Variants in HNRNPM observed in about 807,000 individuals in gnomAD.
The protein encoded by HNRNPM is CEA receptor.
A neutral mutation model predicts 73.1 loss-of-function variants in HNRNPM; 11 were observed. The ratio of observed to expected loss-of-function variants is 0.15; its 90% confidence interval spans 0.09 to 0.25. The LOEUF (loss-of-function observed/expected upper bound fraction) is 0.25, where lower values mean the gene tolerates loss of function less well. HNRNPM is among the 10% of genes least tolerant of loss of function. The probability of loss-of-function intolerance (pLI) is 1.00; values close to 1 mark genes in which losing one functional copy is unlikely to be tolerated. For missense variants in HNRNPM, 789 were observed against 1,067.9 expected (o/e 0.74, Z 3.64); for synonymous variants, 407 against 355.2 (o/e 1.15, Z -1.64).
At chr19:8,473,551 A>T in intron 10 of HNRNPM, 113 bp from the exon 11 acceptor site, 1 of 705,132 alleles carries the variant, frequency 1.4e-6, no homozygotes, top group South Asian at 1.6e-5. Context: ...TATACTTGTC[A>T]TCAGGGATTT....
At chr19:8,480,788 G>A (rs1458794192) in intron 12 of HNRNPM, among the ~76,000 whole-genome samples, 1 of 152,164 alleles carries the variant, frequency 6.6e-6, no homozygotes, top group African/African-American at 2.4e-5. Context: ...GCACATGAGT[G>A]GCACAGAGAG....
At chr19:8,465,799 G>A (rs1969704316) in intron 6 of HNRNPM, among the ~76,000 whole-genome samples, 2 of 152,084 alleles carry the variant, frequency 1.3e-5, no homozygotes, top group Admixed American at 1.3e-4. Context: ...TGCAGTTTTG[G>A]TGCAGAGTAA....
chr19:8,451,634 G>A (rs1442818485), intron 1 of HNRNPM, among the ~76,000 whole-genome samples: 2 of 152,038 alleles, frequency 1.3e-5, no homozygotes, highest in South Asian at 2.1e-4. Flanking sequence ...ACCTCCTGGA[G>A]CCAGACTGTC....
rs1444549189 is a variant in HNRNPM, at chr19:8,486,311, GCAA to G, written c.1885_1887del (p.Asn629del). 1.2e-6 allele frequency: 2 copies of G among 1,600,144 alleles called. No homozygotes were observed. The highest frequency in any genetic ancestry group is 1.7e-6 in the Non-Finnish European group (2 of 1,179,872). Reference sequence around the variant, plus strand: ...GACCGTGCCATCGAGATGGAGCGTGGCAACTTCGGAGGAAGCTTCGCAGGTTCC... The same window carrying G: ...GACCGTGCCATCGAGATGGAGCGTGGCTTCGGAGGAAGCTTCGCAGGTTCC... On this transcript the variant is annotated inframe_deletion, in exon 14 of 16. Coordinates refer to ENST00000325495, the MANE Select transcript of HNRNPM (RefSeq NM_005968.5).
In HNRNPM at chr19:8,486,166, G is replaced by GGCGCCAACA. The variant is rs1971285213; in HGVS notation, c.1740_1741insGCCAACAGC (p.Gly580_Leu581insAlaAsnSer). On this transcript the variant is annotated inframe_insertion, in exon 14 of 16. Transcript: ENST00000325495. ...GGGCGCCAACAGCCTCGAGCGCATGGGCCTGGAGCGCATGGGTGCCAACAG... is the reference window on the plus strand; with the variant it reads ...GGGCGCCAACAGCCTCGAGCGCATGGGCGCCAACAGCCTGGAGCGCATGGGTGCCAACAG... 1 of 1,606,552 alleles carries GGCGCCAACA rather than the reference G, an allele frequency of 6.2e-7. No individual in the cohort carries two copies. Among genetic ancestry groups the GGCGCCAACA allele is most frequent in the Admixed American group, 1.7e-5 (1 of 59,970 alleles).
chr19:8,464,578 G>A (rs1465244012), intron 5 of HNRNPM, among the ~76,000 whole-genome samples: 1 of 152,160 alleles, frequency 6.6e-6, no homozygotes, highest in Admixed American at 6.5e-5. Context: ...GTTGCAGTGA[G>A]CCGAGATCGC....
rs1285707059 is a variant in HNRNPM at position 8,485,978 on chromosome 19, G to A, written c.1550G>A (p.Arg517His). ...GAGCGCATGGGCTCTGGCGTGGAGC[G>A]CATGGGCCCTGCCATCGAGCGCATG... is the stretch of plus-strand genomic sequence containing the variant. ...TIERMGSGVE[R>H]MGPAIERMGL... is the part of the protein sequence containing the mutation. Residue 517 changes from arginine (R) to histidine (H), a missense_variant, in exon 14 of 16, where the codon CGC becomes CAC. Coordinates refer to ENST00000325495, the MANE Select transcript of HNRNPM (RefSeq NM_005968.5). 3 of 1,603,064 alleles carry A rather than the reference G, an allele frequency of 1.9e-6. No individual in the cohort carries two copies. The highest frequency in any genetic ancestry group is 1.7e-6 in the Non-Finnish European group (2 of 1,176,246).
chr19:8,461,060 T>C (rs1003754070), intron 2 of HNRNPM, among the ~76,000 whole-genome samples: 1 of 152,214 alleles, frequency 6.6e-6, no homozygotes, highest in Non-Finnish European at 1.5e-5. Flanking sequence ...TAAAAGTAAA[T>C]TGTACTGATC....
intron 7 of HNRNPM, 72 bp downstream of exon 7, chr19:8,466,460 T>C: frequency 7.0e-7 from 1 of 1,423,424 alleles, no homozygotes; most frequent in Non-Finnish European, 9.9e-7. Flanking sequence ...TAGGTTTGTG[T>C]GAGGAAGAGG....
intron 12 of HNRNPM, among the ~76,000 whole-genome samples, chr19:8,477,294 C>T (rs1052301088): frequency 1.3e-5 from 2 of 152,132 alleles, no homozygotes; most frequent in South Asian, 2.1e-4. Context: ...GTAGGAATCA[C>T]GAAAGGCTTA....
intron 1 of HNRNPM, among the ~76,000 whole-genome samples, chr19:8,449,972 C>T (rs1455414026): frequency 6.6e-6 from 1 of 152,174 alleles, no homozygotes; most frequent in Non-Finnish European, 1.5e-5. Flanking sequence ...TTTTGCCATT[C>T]TTTGTTGATT....
At chr19:8,459,776 T>C (rs1969279281) in intron 2 of HNRNPM, among the ~76,000 whole-genome samples, 1 of 152,234 alleles carries the variant, frequency 6.6e-6, no homozygotes, top group African/African-American at 2.4e-5. Flanking sequence ...TTTGGGTTGC[T>C]CATCTGCTTA....
intron 5 of HNRNPM, 89 bp downstream of exon 5, chr19:8,463,775 C>T (rs999491645): frequency 1.4e-5 from 12 of 877,236 alleles, no homozygotes; most frequent in South Asian, 9.0e-5. Flanking sequence ...TGGTCCCAGA[C>T]GGCATTTACA....
At position 8,475,397 on chromosome 19, in the gene HNRNPM, T is replaced by G. The variant is rs1970429497; in HGVS notation, c.1120+1153T>G. 6.6e-5 allele frequency among the ~76,000 whole-genome samples: 10 copies of G among 152,382 alleles called. No individual in the cohort carries two copies. In the South Asian group the frequency reaches 2.1e-3, roughly 32 times the overall value. ...TCACTGCAGGAAAGCTGCTGCTTTT[T>G]TACACAGAAACTTTCTTGGACTGAG... On this transcript the variant is annotated intron_variant, in intron 12 of 15. Coordinates refer to ENST00000325495, the MANE Select transcript of HNRNPM (RefSeq NM_005968.5).
At chr19:8,446,004 C>T (rs1032750236) in intron 1 of HNRNPM, among the ~76,000 whole-genome samples, 5 of 152,178 alleles carry the variant, frequency 3.3e-5, no homozygotes, top group Admixed American at 2.6e-4. Context: ...GAAGCATCGA[C>T]TTGTGCCCCG....
At chr19:8,476,801 G>C (rs1448280163) in intron 12 of HNRNPM, among the ~76,000 whole-genome samples, 2 of 152,174 alleles carry the variant, frequency 1.3e-5, no homozygotes, top group East Asian at 1.9e-4. Context: ...ACAGGTGGCA[G>C]GATGGAAGGA....
intron 1 of HNRNPM, 41 bp downstream of exon 1, chr19:8,445,152 C>A: frequency 7.4e-7 from 1 of 1,345,914 alleles, no homozygotes; most frequent in Non-Finnish European, 9.6e-7. Context: ...AAGGGTTCCT[C>A]TCCGCGGCCG....
intron 9 of HNRNPM, among the ~76,000 whole-genome samples, chr19:8,469,994 C>CAT (rs1188834603): frequency 6.6e-6 from 1 of 152,272 alleles, no homozygotes; most frequent in Non-Finnish European, 1.5e-5. Flanking sequence ...CTGGACATAA[C>CAT]ATACTCATTT....
chr19:8,481,523 A>C (rs1230994951), intron 12 of HNRNPM: 1 of 152,256 alleles, frequency 6.6e-6, no homozygotes, highest in Non-Finnish European at 1.5e-5. Context: ...AATCAGTGGC[A>C]TGTTGGTTGA....
Sources: allele counts gnomAD v4.1 joint callset (sites outside exome capture counted in the v4.1 genomes callset), GRCh38; gene constraint gnomAD v4.1.1; transcripts MANE v1.5; gene names NCBI Gene and HGNC (gene_info 2026-07-23, HGNC 2026-07-21).